The following KRT8 variants were observed in gnomAD, a reference collection of about 807,000 sequenced individuals.
KRT8 encodes keratin, type II cytoskeletal 8.
KRT8 carries 24 observed loss-of-function variants against 43.0 expected under a neutral mutation model. The ratio of observed to expected loss-of-function variants is 0.56; its 90% confidence interval spans 0.40 to 0.78. The LOEUF is 0.78. Ranked by LOEUF, KRT8 falls within the 30% of genes least tolerant of loss-of-function variation. The pLI, the probability that KRT8 is intolerant of heterozygous loss-of-function variation, is 0.00. For synonymous variants in KRT8, 214 were observed against 261.2 expected, an observed-to-expected ratio of 0.82 and a Z score of 1.74; for missense variants, 492 against 638.4, an observed-to-expected ratio of 0.77 and a Z score of 2.47.
At chr12:52,903,016 A>T (rs1008122995) in intron 1 of KRT8, among the ~76,000 whole-genome samples, 4 of 152,120 alleles carry the variant, frequency 2.6e-5, no homozygotes, top group African/African-American at 4.8e-5. Context: ...TGTCTCAAAC[A>T]AACAAAAAAA....
At position 52,928,732 on chromosome 12, in the gene KRT8, C is replaced by A. The variant is rs144504465; in HGVS notation, c.-47+20724G>T. On this transcript the variant is annotated intron_variant, in intron 2 of 6. Transcript: ENST00000546826. ...CCAGCCTGGCTAACATAGTGAAACCCCATCTCTACTAAAAATACAAAAAAT... is the reference window on the plus strand; with the variant it reads ...CCAGCCTGGCTAACATAGTGAAACCACATCTCTACTAAAAATACAAAAAAT... Among the ~76,000 whole-genome samples, 50 of 152,280 alleles carry A rather than the reference C, an allele frequency of 3.3e-4. No homozygotes were observed. In the East Asian group the frequency reaches 9.3e-3, roughly 28 times the overall value.
At chr12:52,902,495 T>C (rs982839386) in intron 1 of KRT8, among the ~76,000 whole-genome samples, 1 of 152,080 alleles carries the variant, frequency 6.6e-6, no homozygotes, top group Non-Finnish European at 1.5e-5. Flanking sequence ...CTCCTGCCCC[T>C]GCCTCAGCCT....
At chr12:52,897,419 C>A (rs779087897) in exon 8 of KRT8, 2 of 1,598,264 alleles carry the variant, frequency 1.3e-6, no homozygotes, top group South Asian at 2.2e-5. Flanking sequence ...GAGGGGCTGC[C>A]GCAGCTGTTC....
intron 2 of KRT8, among the ~76,000 whole-genome samples, chr12:52,918,206 A>AAGAAGAAGAAGAAGG (rs1941808038): frequency 1.1e-4 from 9 of 81,816 alleles, no homozygotes; most frequent in South Asian, 4.0e-4. Flanking sequence ...GAAGAAGAAC[A>AAGAAGAAGAAGAAGG]AGAAGAAGAA....
At chr12:52,917,973 G>T (rs1186441837) in intron 2 of KRT8, among the ~76,000 whole-genome samples, 1 of 147,670 alleles carries the variant, frequency 6.8e-6, no homozygotes, top group African/African-American at 2.5e-5. Context: ...AGAAGAGGAA[G>T]AGGAAGAAGA....
At chr12:52,904,788 G>A (rs753945275) in exon 1 of KRT8, 1 of 1,612,390 alleles carries the variant, frequency 6.2e-7, no homozygotes, top group Non-Finnish European at 8.5e-7. Context: ...GACCGTAACT[G>A]CGGTGATGCC....
intron 2 of KRT8, among the ~76,000 whole-genome samples, chr12:52,939,820 T>C (rs1226773621): frequency 6.6e-6 from 1 of 152,016 alleles, no homozygotes; most frequent in Non-Finnish European, 1.5e-5. Context: ...GCACTGTGCC[T>C]CATGCCTGTA....
At chr12:52,904,618 G>A (rs767520819) in intron 1 of KRT8, 40 bp downstream of exon 1, 4 of 1,574,048 alleles carry the variant, frequency 2.5e-6, no homozygotes, top group African/African-American at 1.3e-5. Flanking sequence ...CAGGAGAAAG[G>A]GGCTGCGGGC....
chr12:52,937,026 G>A lies in KRT8; in HGVS notation c.-47+12430C>T, dbSNP rs115463487. On this transcript the variant is annotated intron_variant, in intron 2 of 6. Transcript: ENST00000546826. ...TCTCAACATTCAATAATAAAAAAGA[G>A]ACAACCAAATTTTTTAAATGGGCAA... Among the ~76,000 whole-genome samples, 751 of 152,196 alleles carry A rather than the reference G, an allele frequency of 4.9e-3. 7 individuals carry two copies. Among genetic ancestry groups the A allele is most frequent in the African/African-American group, 0.018 (730 of 41,540 alleles).
chr12:52,915,037 A>G (rs148201095), intron 2 of KRT8, among the ~76,000 whole-genome samples: 68 of 152,254 alleles, frequency 4.5e-4, no homozygotes, highest in African/African-American at 1.5e-3. Context: ...GACCCTGTGG[A>G]GGGGTGATCA....
intron 2 of KRT8, chr12:52,949,378 G>T (rs11551624): frequency 6.2e-7 from 1 of 1,610,770 alleles, no homozygotes; most frequent in East Asian, 2.2e-5. Context: ...CGGGATAGCC[G>T]GGGGTCTGGC....
At chr12:52,929,184 CTTTCT>C (rs1565729816) in intron 2 of KRT8, among the ~76,000 whole-genome samples, 3 of 104,498 alleles carry the variant, frequency 2.9e-5, no homozygotes, top group African/African-American at 7.2e-5. Context: ...TCCTTCCTTC[CTTTCT>C]TTTTTTTTTT....
intron 2 of KRT8, among the ~76,000 whole-genome samples, chr12:52,917,708 C>CAAAAAAAAAAAAAA (rs535303270): frequency 1.3e-3 from 40 of 29,928 alleles, no homozygotes; most frequent in South Asian, 8.4e-3. Flanking sequence ...GACTCTGTCT[C>CAAAAAAAAAAAAAA]AAAAAAAAAA....
chr12:52,918,623 TAA>T (rs1941826216), intron 2 of KRT8, among the ~76,000 whole-genome samples: 1 of 152,200 alleles, frequency 6.6e-6, no homozygotes, highest in South Asian at 2.1e-4. Context: ...CTAATGGTGT[TAA>T]GAGTTACTTC....
chr12:52,941,244 G>T (rs1469553335), intron 2 of KRT8, among the ~76,000 whole-genome samples: 1 of 149,892 alleles, frequency 6.7e-6, no homozygotes, highest in African/African-American at 2.4e-5. Flanking sequence ...AAATCTAAAT[G>T]TTTTAAAACA....
At chr12:52,901,825 A>G (rs1361912154) in intron 2 of KRT8, 39 bp downstream of exon 2, 2 of 1,410,112 alleles carry the variant, frequency 1.4e-6, no homozygotes, top group African/African-American at 1.4e-5. Flanking sequence ...GGAGGAGAGC[A>G]CGGTGACTTC....
intron 2 of KRT8, among the ~76,000 whole-genome samples, chr12:52,926,877 C>T (rs150635485): frequency 2.0e-5 from 3 of 152,146 alleles, no homozygotes; most frequent in East Asian, 1.9e-4. Flanking sequence ...AAAGTAGGGG[C>T]GTGTCTTATA....
chr12:52,905,034 G>A (rs757630745), exon 1 of KRT8: 3 of 1,564,010 alleles, frequency 1.9e-6, no homozygotes, highest in African/African-American at 1.4e-5. Flanking sequence ...GATCCTAGAA[G>A]GAGCGGAGAA....
At chr12:52,926,554 A>G (rs894305576) in intron 2 of KRT8, 4 of 1,134,368 alleles carry the variant, frequency 3.5e-6, no homozygotes, top group Non-Finnish European at 5.1e-6. Context: ...GACCCCAAGA[A>G]TAGGGCTTTG....
Sources: allele counts gnomAD v4.1 joint callset (sites outside exome capture counted in the v4.1 genomes callset), GRCh38; gene constraint gnomAD v4.1.1; transcripts MANE v1.5; gene names NCBI Gene and HGNC (gene_info 2026-07-23, HGNC 2026-07-21).